The following ADGRL3 variants were observed in gnomAD, a reference collection of about 807,000 sequenced individuals.
The protein encoded by ADGRL3 is calcium-independent alpha-latrotoxin receptor 3.
ADGRL3 carries 62 observed loss-of-function variants against 153.5 expected under a neutral mutation model. The ratio of observed to expected loss-of-function variants is 0.40; its 90% CI spans 0.33 to 0.50. ADGRL3 has a LOEUF of 0.50. Among genes scored for constraint, ADGRL3 ranks in the 20% least tolerant of loss-of-function variants. The probability of loss-of-function intolerance (pLI) is 0.47; values close to 1 mark genes in which losing one functional copy is unlikely to be tolerated. For missense variants in ADGRL3, 1,641 were observed against 1,859.4 expected (o/e 0.88, Z 2.16); for synonymous variants, 710 against 672.5 (o/e 1.06, Z -0.86).
At position 61,501,670 on chromosome 4, in the gene ADGRL3, G is replaced by T. The variant is rs146338962; in HGVS notation, c.55+4322G>T. On this transcript the variant is annotated intron_variant, in intron 3 of 26. Coordinates refer to ENST00000683033, the MANE Select transcript of ADGRL3 (RefSeq NM_001387552.1). ...TTTAATTGGTTATATATAATTGTTA[G>T]TGTTATACTTTTGCATAATCTCTAC... Among the ~76,000 whole-genome samples, 91 of 152,202 alleles carry T rather than the reference G, an allele frequency of 6.0e-4. 1 individual carries two copies. Among genetic ancestry groups the T allele is most frequent in the Admixed American group, 5.1e-3 (78 of 15,270 alleles).
intron 5 of ADGRL3, among the ~76,000 whole-genome samples, chr4:61,618,875 C>T (rs991996553): frequency 3.3e-5 from 5 of 152,206 alleles, no homozygotes; most frequent in Middle Eastern, 3.4e-3. Context: ...TGCCACAATA[C>T]GCAGCTAATT....
chr4:61,385,460 A>G (rs373198887), intron 2 of ADGRL3: 29 of 152,304 alleles, frequency 1.9e-4, no homozygotes, highest in African/African-American at 6.5e-4. Context: ...CTCTTTCACA[A>G]ACTAGTGTGT....
In ADGRL3 at chr4:62,070,135, A is replaced by T. The variant is rs1745098999; in HGVS notation, c.3859A>T (p.Thr1287Ser). 6.2e-7 allele frequency: 1 copy of T among 1,613,996 alleles called. No homozygotes were observed. Among genetic ancestry groups the T allele is most frequent in the Non-Finnish European group, 8.5e-7 (1 of 1,179,932 alleles). ...GGGGCTTCTGAACAATGCCAGGGAT[A>T]CAAGTGTCATGGATACTCTACCACT... Reference protein sequence around the residue: ...TKGLLNNARDTSVMDTLPLNG... With the variant: ...TKGLLNNARDSSVMDTLPLNG... The change falls in exon 27 of 27, where the codon ACA becomes TCA. Residue 1287 changes from threonine to serine, a missense_variant. Thr to Ser is a moderately conservative substitution (Grantham distance 58). This residue lies in a region of ADGRL3 where 517 missense variants were observed against 555.0 expected (regional missense o/e 0.93). Coordinates refer to ENST00000683033, the MANE Select transcript of ADGRL3 (RefSeq NM_001387552.1).
chr4:61,587,399 C>T lies in ADGRL3; in HGVS notation c.432C>T (p.Ile144=). ...CDSDPAQMEN[I]RCYLPDAYKI... is the part of the protein sequence containing the mutation. ...CTGACCCTGCTCAGATGGAGAATAT[C>T]CGATGTTATCTGCCAGATGCCTATA... The change falls in exon 5 of 27, where the codon ATC becomes ATT. Residue 144 remains isoleucine (I), a synonymous_variant. Transcript: ENST00000683033. 6.2e-7 allele frequency: 1 copy of T among 1,612,458 alleles called. No individual in the cohort carries two copies. Among genetic ancestry groups the T allele is most frequent in the South Asian group, 1.1e-5 (1 of 91,048 alleles).
At chr4:61,803,811 T>C (rs888707375) in intron 8 of ADGRL3, among the ~76,000 whole-genome samples, 2 of 152,168 alleles carry the variant, frequency 1.3e-5, no homozygotes, top group Admixed American at 1.3e-4. Context: ...TTTGTAAATA[T>C]TTTCACTTCT....
chr4:61,983,038 A>G (rs893361238), intron 18 of ADGRL3, among the ~76,000 whole-genome samples: 1 of 152,114 alleles, frequency 6.6e-6, no homozygotes, highest in African/African-American at 2.4e-5. Flanking sequence ...ACTCATGATT[A>G]TGGCCAAGAG....
chr4:62,034,352 C>T (rs1723833528), intron 23 of ADGRL3, among the ~76,000 whole-genome samples: 1 of 151,756 alleles, frequency 6.6e-6, no homozygotes, highest in Non-Finnish European at 1.5e-5. Context: ...TATAGAAAAA[C>T]TTGCCAGGCC....
intron 1 of ADGRL3, among the ~76,000 whole-genome samples, chr4:61,341,411 G>A (rs1043458640): frequency 2.0e-5 from 3 of 151,458 alleles, no homozygotes; most frequent in South Asian, 2.1e-4. Context: ...TATGAACCTC[G>A]AACCCCTAAC....
At chr4:61,972,913 T>C (rs1430215566) in intron 17 of ADGRL3, among the ~76,000 whole-genome samples, 1 of 152,092 alleles carries the variant, frequency 6.6e-6, no homozygotes, top group East Asian at 1.9e-4. Context: ...AAACAGGTTC[T>C]TGATAATTAT....
intron 7 of ADGRL3, among the ~76,000 whole-genome samples, chr4:61,732,400 G>T (rs1363386330): frequency 6.6e-6 from 1 of 152,066 alleles, no homozygotes; most frequent in Non-Finnish European, 1.5e-5. Context: ...ACTATTAAAA[G>T]TATTGTGTGT....
At chr4:61,974,901 A>C (rs1457525663) in intron 17 of ADGRL3, among the ~76,000 whole-genome samples, 2 of 152,180 alleles carry the variant, frequency 1.3e-5, no homozygotes, top group Non-Finnish European at 2.9e-5. Flanking sequence ...TAAGAGGAAG[A>C]GTCCCAAGGA....
chr4:62,005,626 A>T (rs975181033), intron 21 of ADGRL3, among the ~76,000 whole-genome samples: 7 of 152,090 alleles, frequency 4.6e-5, no homozygotes, highest in African/African-American at 1.7e-4. Context: ...TTACCTTTAT[A>T]TCCCACAAGA....
chr4:61,592,695 T>G (rs2098974443), intron 5 of ADGRL3, among the ~76,000 whole-genome samples: 1 of 152,212 alleles, frequency 6.6e-6, no homozygotes, highest in South Asian at 2.1e-4. Context: ...TGATAATGTC[T>G]GCTAAATTAC....
chr4:61,888,091 A>G (rs2098549678), intron 9 of ADGRL3, among the ~76,000 whole-genome samples: 1 of 152,192 alleles, frequency 6.6e-6, no homozygotes, highest in African/African-American at 2.4e-5. Context: ...TTTGGGAAGC[A>G]AGATTATGAG....
At chr4:61,812,675 A>G (rs2097644547) in intron 8 of ADGRL3, among the ~76,000 whole-genome samples, 1 of 152,324 alleles carries the variant, frequency 6.6e-6, no homozygotes, top group East Asian at 1.9e-4. Context: ...CTAATTGCTT[A>G]TTATTATCAG....
chr4:61,444,067 G>A (rs188611065), intron 2 of ADGRL3, among the ~76,000 whole-genome samples: 1 of 152,108 alleles, frequency 6.6e-6, no homozygotes, highest in Non-Finnish European at 1.5e-5. Flanking sequence ...GTCTTTGCTG[G>A]AGATAAAAAA....
At chr4:61,717,665 A>T (rs1057295733) in intron 6 of ADGRL3, among the ~76,000 whole-genome samples, 9 of 152,206 alleles carry the variant, frequency 5.9e-5, no homozygotes, top group African/African-American at 2.2e-4. Context: ...TTTTAAAATT[A>T]TGCACTTATT....
chr4:61,849,231 T>C (rs2098172236), intron 9 of ADGRL3, among the ~76,000 whole-genome samples: 1 of 152,136 alleles, frequency 6.6e-6, no homozygotes, highest in Admixed American at 6.5e-5. Flanking sequence ...TTTACCACAA[T>C]GTCACTTTCT....
At chr4:62,025,259 C>A (rs745572745) in intron 21 of ADGRL3, among the ~76,000 whole-genome samples, 1 of 152,066 alleles carries the variant, frequency 6.6e-6, no homozygotes, top group African/African-American at 2.4e-5. Context: ...CCAAGCTATT[C>A]GTGTTATTAT....
Sources: gnomAD v4.1 joint callset for allele counts (sites outside exome capture counted in the v4.1 genomes callset) on GRCh38, gnomAD v4.1.1 for gene constraint, gnomAD v4.1.1 regional missense constraint, MANE v1.5 for transcripts, NCBI Gene and HGNC (gene_info 2026-07-23, HGNC 2026-07-21) for gene names.